The following HDAC7 variants were observed in gnomAD, a reference collection of about 807,000 sequenced individuals.
HDAC7 encodes histone deacetylase 7.
In HDAC7, 26 loss-of-function variants were observed where a neutral mutation model predicts 115.5. The observed-to-expected ratio is 0.23, with a 90% CI of 0.16 to 0.31. The LOEUF is 0.31. Among genes scored for constraint, HDAC7 ranks in the 10% least tolerant of loss-of-function variants. HDAC7 has a pLI of 1.00. For synonymous variants in HDAC7, 564 were observed against 550.9 expected, an observed-to-expected ratio of 1.02 and a Z score of -0.33; for missense variants, 1,068 against 1,329.0, an observed-to-expected ratio of 0.80 and a Z score of 3.05.
In HDAC7 at chr12:47,787,708, G is replaced by A. The variant is rs374115627; in HGVS notation, c.2453+4C>T. The A allele has an allele frequency of 1.3e-4, 204 of 1,603,348 alleles. 1 individual carries two copies. Among genetic ancestry groups the A allele is most frequent in the African/African-American group, 9.2e-4 (69 of 74,738 alleles). ...TTGCCCCTCTGGGCCCCCAGAGCAC[G>A]TACCTGAAAGCAGCCAGGTACTCAG... is the stretch of plus-strand genomic sequence containing the variant. On this transcript the variant is annotated splice_donor_region_variant and intron_variant, in intron 21 of 25. Coordinates refer to ENST00000080059, the MANE Select transcript of HDAC7 (RefSeq NM_015401.5).
At chr12:47,810,828 CTCT>C (rs1944625021) in intron 1 of HDAC7, among the ~76,000 whole-genome samples, 1 of 97,134 alleles carries the variant, frequency 1.0e-5, no homozygotes, top group South Asian at 3.2e-4. Flanking sequence ...CTCTCTCTCT[CTCT>C]CTCTCTCTCT....
chr12:47,805,073 A>T (rs1220991981), intron 1 of HDAC7, among the ~76,000 whole-genome samples: 1 of 142,964 alleles, frequency 7.0e-6, no homozygotes, highest in Non-Finnish European at 1.5e-5. Context: ...TCTTTTCTTA[A>T]TTTTTTTTTT....
intron 12 of HDAC7, among the ~76,000 whole-genome samples, chr12:47,794,025 A>G (rs1943671093): frequency 6.6e-6 from 1 of 152,228 alleles, no homozygotes; most frequent in Non-Finnish European, 1.5e-5. Context: ...GACCTTATTC[A>G]GAGATAGGGT....
intron 13 of HDAC7, chr12:47,792,558 A>T (rs1370313852): frequency 9.1e-6 from 4 of 439,322 alleles, no homozygotes; most frequent in Non-Finnish European, 1.9e-5. Flanking sequence ...TCTTCAGAGG[A>T]GGGTCCTGCT....
chr12:47,785,964 T>G, intron 22 of HDAC7, 79 bp from the exon 23 acceptor site: 2 of 1,372,280 alleles, frequency 1.5e-6, no homozygotes, highest in Non-Finnish European at 2.0e-6. Flanking sequence ...GCTTCCCTGC[T>G]TGCTTCCTCC....
In HDAC7 at chr12:47,795,391, T is replaced by C. The variant is rs1592655406; in HGVS notation, c.1088-11A>G. ...GCCCAAGCCCGGGCACTGGAAAGAA[T>C]CGGGGGGTGGAATAAGGAGGGAACC... On this transcript the variant is annotated splice_polypyrimidine_tract_variant and intron_variant, in intron 10 of 25. Coordinates refer to ENST00000080059, the MANE Select transcript of HDAC7 (RefSeq NM_015401.5). This position sits in a 1 kb window ranked among gnomAD's most constrained non-coding sequence, Gnocchi z 4.3. 6.4e-7 allele frequency: 1 copy of C among 1,562,082 alleles called. No individual in the cohort carries two copies. The highest frequency in any genetic ancestry group is 2.4e-5 in the East Asian group (1 of 42,162).
Position 47,785,397 on chromosome 12 carries a change from G to T in HDAC7, c.2781C>A (p.Ile927=). 6.2e-7 allele frequency: 1 copy of T among 1,610,536 alleles called. No individual in the cohort carries two copies. The highest frequency in any genetic ancestry group is 1.1e-5 in the South Asian group (1 of 90,496). Residue 927 remains isoleucine (I), a synonymous_variant, in exon 24 of 26, where the codon ATC becomes ATA. Coordinates refer to ENST00000080059, the MANE Select transcript of HDAC7 (RefSeq NM_015401.5). ...CATCTCCACACTTACTGTGCACCCG[G>T]ATCACGGCCTCCAGAGAGCGGATGG... is the stretch of plus-strand genomic sequence containing the variant. ...LNAIRSLEAV[I]RVHSKYWGCM...
At chr12:47,802,417 CA>C in intron 1 of HDAC7, 143 bp from the exon 2 acceptor site, 1 of 1,544,060 alleles carries the variant, frequency 6.5e-7, no homozygotes, top group Non-Finnish European at 8.8e-7. Flanking sequence ...AGAAGCTAAT[CA>C]AAACGAGAAG....
chr12:47,810,804 G>GTATCTCTCTCTCTCTC (rs1944619260), intron 1 of HDAC7, among the ~76,000 whole-genome samples: 1 of 131,590 alleles, frequency 7.6e-6, no homozygotes. Flanking sequence ...GGAGGAAAAG[G>GTATCTCTCTCTCTCTC]TCTCTCTCTC....
At chr12:47,785,122 C>CTA (rs1943098757) in intron 24 of HDAC7, 1 of 560,698 alleles carries the variant, frequency 1.8e-6, no homozygotes, top group South Asian at 2.2e-5. Flanking sequence ...TGGTCTAGGG[C>CTA]TGTCGCTAGA....
chr12:47,793,336 TCCC>T lies in HDAC7; in HGVS notation c.1678+30_1678+32del. The T allele has an allele frequency of 1.8e-6, 1 of 546,060 alleles. No homozygotes were observed. Among genetic ancestry groups the T allele is most frequent in the Non-Finnish European group, 3.2e-6 (1 of 316,654 alleles). The allele number at this position is 546,060 out of a possible 1,614,324, so 33.8% of individuals were successfully genotyped here. ...ACATGGACTCGTGCAGCCGAGCCCC[TCCC>T]TCCACCCGCCACCCTCCTCCCGGTC... On this transcript the variant is annotated intron_variant, in intron 13 of 25. Transcript: ENST00000080059. This position sits in a 1 kb window ranked among gnomAD's most constrained non-coding sequence, Gnocchi z 4.5.
intron 2 of HDAC7, 171 bp from the exon 3 acceptor site, chr12:47,799,143 A>T: frequency 1.8e-6 from 1 of 559,752 alleles, no homozygotes; most frequent in Non-Finnish European, 3.2e-6. Context: ...GGTATTATCA[A>T]TTCCATTTTA....
In HDAC7 at chr12:47,786,701, A is replaced by G. The variant is rs751906460; in HGVS notation, c.2456T>C (p.Ile819Thr). Residue 819 changes from isoleucine (I) to threonine (T), a missense_variant and splice_region_variant, in exon 22 of 26, where the codon ATA becomes ACA. Physicochemically the swap from Ile to Thr is moderately conservative, Grantham distance 89. Transcript: ENST00000080059. ...CTCTCGGGCGATGGGCATCACGACT[A>G]TCCTGTGAGGTCACAAGAAGTGGCG... Reference protein sequence around the residue: ...GDPEYLAAFRIVVMPIAREFS... With the variant: ...GDPEYLAAFRTVVMPIAREFS... 17 of 1,611,844 alleles carry G rather than the reference A, an allele frequency of 1.1e-5. No individual in the cohort carries two copies. The highest frequency in any genetic ancestry group is 6.6e-5 in the South Asian group (6 of 91,036).
chr12:47,819,942 C>G (rs1412536980), upstream of HDAC7: 2 of 143,038 alleles, frequency 1.4e-5, no homozygotes, highest in Admixed American at 7.0e-5. Flanking sequence ...GCAGCCCGGC[C>G]GGCCGGGTAG....
At chr12:47,806,827 G>A (rs1355056406) in intron 1 of HDAC7, among the ~76,000 whole-genome samples, 2 of 152,140 alleles carry the variant, frequency 1.3e-5, no homozygotes, top group Non-Finnish European at 2.9e-5. Flanking sequence ...TCCTGTACTT[G>A]TCTGCAGCCT....
intron 23 of HDAC7, 100 bp from the exon 24 acceptor site, chr12:47,785,571 T>C (rs1272157479): frequency 3.7e-6 from 5 of 1,366,848 alleles, no homozygotes; most frequent in Non-Finnish European, 5.0e-6. Context: ...AAGCACACTC[T>C]ACCTAGGCCA....
Position 47,784,671 on chromosome 12 carries a change from C to T in HDAC7, c.2792-454G>A, listed in dbSNP as rs893004515. 1.1e-5 allele frequency: 16 copies of T among 1,512,282 alleles called. No homozygotes were observed. The African/African-American group carries it at 1.1e-4, about 10-fold the overall frequency. 93.7% of individuals were successfully genotyped at this position (1,512,282 alleles called of 1,614,324 possible). On this transcript the variant is annotated intron_variant, in intron 24 of 25. Coordinates refer to ENST00000080059, the MANE Select transcript of HDAC7 (RefSeq NM_015401.5). ...GGAAAGGAGGGCCTGGGAGGTGGGACGAACACAACATGGGAGAACTGACCA... is the reference window on the plus strand; with the variant it reads ...GGAAAGGAGGGCCTGGGAGGTGGGATGAACACAACATGGGAGAACTGACCA...
At chr12:47,816,607 C>T (rs1031922143) in intron 1 of HDAC7, among the ~76,000 whole-genome samples, 8 of 152,192 alleles carry the variant, frequency 5.3e-5, no homozygotes, top group African/African-American at 9.7e-5. Flanking sequence ...ACTAAACAGA[C>T]GCTGTCCTGA....
chr12:47,810,700 G>A (rs1944613991), intron 1 of HDAC7, among the ~76,000 whole-genome samples: 1 of 152,152 alleles, frequency 6.6e-6, no homozygotes, highest in South Asian at 2.1e-4. Flanking sequence ...CGCTGCGTGA[G>A]CTCTCTGGAA....
Sources: allele counts gnomAD v4.1 joint callset (sites outside exome capture counted in the v4.1 genomes callset), GRCh38; gene constraint gnomAD v4.1.1; non-coding constraint Gnocchi (gnomAD v3.1); transcripts MANE v1.5; gene names NCBI Gene and HGNC (gene_info 2026-07-23, HGNC 2026-07-21).